Variants in PGR observed in about 807,000 individuals in gnomAD.
PGR encodes the protein progesterone receptor, also known as nuclear receptor subfamily 3 group C member 3.
Under a neutral mutation model 76.1 loss-of-function variants are expected in PGR, and 25 were observed. That is an observed-to-expected ratio of 0.33 (90% CI 0.24 to 0.46). The LOEUF (loss-of-function observed/expected upper bound fraction) is 0.46, where lower values mean the gene tolerates loss of function less well. Ranked by LOEUF, PGR falls within the 20% of genes least tolerant of loss-of-function variation. The probability of loss-of-function intolerance (pLI) is 1.00; values close to 1 mark genes in which losing one functional copy is unlikely to be tolerated. For missense variants in PGR, 1,172 were observed against 1,225.3 expected (o/e 0.96, Z 0.65); for synonymous variants, 579 against 535.0 (o/e 1.08, Z -1.14).
Position 101,128,111 on chromosome 11 carries a change from A to G in PGR, c.960T>C (p.Thr320=). 5 of 1,598,454 alleles carry G rather than the reference A, an allele frequency of 3.1e-6. No homozygotes were observed. The highest frequency in any genetic ancestry group is 3.4e-6 in the Non-Finnish European group (4 of 1,179,574). ...PLNHALLAAR[T]RQLLEDESYD... ...AACTTTCGTCTTCCAGCAGCTGCCG[A>G]GTGCGGGCTGCCAATAAGGCGTGAT... The change falls in exon 1 of 8, where the codon ACT becomes ACC. Residue 320 remains threonine, a synonymous_variant. Coordinates refer to ENST00000325455, the MANE Select transcript of PGR (RefSeq NM_000926.4).
At chr11:101,115,924 A>G (rs1862492204) in intron 2 of PGR, among the ~76,000 whole-genome samples, 1 of 152,202 alleles carries the variant, frequency 6.6e-6, no homozygotes, top group Non-Finnish European at 1.5e-5. Flanking sequence ...TATTGGGCCA[A>G]TTGTGTTTCA....
chr11:101,058,963 C>T (rs1860387915), intron 4 of PGR, among the ~76,000 whole-genome samples: 1 of 152,100 alleles, frequency 6.6e-6, no homozygotes, highest in Admixed American at 6.6e-5. Flanking sequence ...TTTCTCAATC[C>T]ATAGCTACTA....
intron 3 of PGR, among the ~76,000 whole-genome samples, chr11:101,089,310 A>C (rs1861599165): frequency 6.6e-6 from 1 of 152,228 alleles, no homozygotes; most frequent in African/African-American, 2.4e-5. Context: ...TATATATTTA[A>C]ATAGTTAAGA....
At chr11:101,092,726 T>C (rs1861712376) in intron 2 of PGR, among the ~76,000 whole-genome samples, 1 of 152,172 alleles carries the variant, frequency 6.6e-6, no homozygotes, top group Non-Finnish European at 1.5e-5. Context: ...AATAAAAAAA[T>C]TCAGCTTAAA....
rs748798054 is a variant in PGR at position 101,126,154 on chromosome 11, C to T, written c.1642G>A (p.Asp548Asn). 2.4e-5 allele frequency: 38 copies of T among 1,613,922 alleles called. No homozygotes were observed. The highest frequency in any genetic ancestry group is 5.1e-6 in the Non-Finnish European group (6 of 1,179,974). The change falls in exon 2 of 8, where the codon GAT becomes AAT. Residue 548 changes from aspartate (D) to asparagine (N), a missense_variant. Asp to Asn is a conservative substitution (Grantham distance 23, BLOSUM62 1). Around this residue, in one of 4 missense-constraint regions of PGR, gnomAD observed 893 missense variants for 785.9 expected, o/e 1.14. Transcript: ENST00000325455. ...TGTGGGCTCTGGCTGGCTTCTGAAT[C>T]CGGCCTTGAAATGCAAAACAAAGTA... ...YPPYLNYLRP[D>N]SEASQSPQYS... is the part of the protein sequence containing the mutation.
chr11:101,113,012 AT>A (rs906290007), intron 2 of PGR, among the ~76,000 whole-genome samples: 3 of 152,148 alleles, frequency 2.0e-5, no homozygotes, highest in African/African-American at 7.2e-5. Flanking sequence ...ACCTAACTGA[AT>A]TTTTTTGGAA....
chr11:101,047,880 C>T (rs2135389038), intron 6 of PGR, among the ~76,000 whole-genome samples: 2 of 152,074 alleles, frequency 1.3e-5, no homozygotes, highest in South Asian at 2.1e-4. Context: ...AAAAGTGGAA[C>T]GGATATTTGC....
chr11:101,064,070 C>T (rs1382058696), intron 3 of PGR: 2 of 152,014 alleles, frequency 1.3e-5, no homozygotes, highest in Admixed American at 1.3e-4. Flanking sequence ...TGAGCTCATG[C>T]CTGTAGTTCT....
intron 3 of PGR, among the ~76,000 whole-genome samples, chr11:101,085,375 A>C (rs1283784274): frequency 2.6e-5 from 4 of 151,956 alleles, no homozygotes; most frequent in Admixed American, 1.3e-4. Flanking sequence ...AATAAAAAAA[A>C]ATTAAAATAA....
rs969903640 is a variant in PGR, at chr11:101,030,523, G to A, written c.*8593C>T. 3 of 230,290 alleles carry A rather than the reference G, an allele frequency of 1.3e-5. No individual in the cohort carries two copies. The highest frequency in any genetic ancestry group is 2.6e-5 in the Non-Finnish European group (3 of 116,336). 14.3% of individuals were successfully genotyped at this position (230,290 alleles called of 1,614,324 possible). The stretch of plus-strand genomic sequence containing the variant: ...TATGAATACCCAAACCACTTTGAAA[G>A]TATGTGCTCAACTGAAATAATTAAT... On this transcript the variant is annotated 3_prime_UTR_variant, in exon 8 of 8. Coordinates refer to ENST00000325455, the MANE Select transcript of PGR (RefSeq NM_000926.4).
rs1859376974 is a variant in PGR, at chr11:101,032,270, T to C, written c.*6846A>G. ...AATTCTTCATGTTTATGATCATCAT[T>C]TTCACCAAAATAGTGCAACTTCCTC... On this transcript the variant is annotated 3_prime_UTR_variant, in exon 8 of 8. Transcript: ENST00000325455. 1 of 232,882 alleles carries C rather than the reference T, an allele frequency of 4.3e-6. No homozygotes were observed. Among genetic ancestry groups the C allele is most frequent in the Non-Finnish European group, 8.5e-6 (1 of 117,942 alleles). The allele number at this position is 232,882 out of a possible 1,614,324, so 14.4% of individuals were successfully genotyped here. A position where few individuals can be genotyped will look rare whatever the true frequency, so the allele number is the denominator to read the frequency against.
Position 101,128,869 on chromosome 11 carries a change from C to T in PGR, c.202G>A (p.Asp68Asn). Reference protein sequence around the residue: ...LLFPRPCQGQDPSDEKTQDQQ... With the variant: ...LLFPRPCQGQNPSDEKTQDQQ... ...TCCTGCGTCTTTTCGTCGGAGGGGT[C>T]CTGTCCCTGGCAGGGCCGAGGGAAG... is the stretch of plus-strand genomic sequence containing the variant. Residue 68 changes from aspartate (D) to asparagine (N), a missense_variant, in exon 1 of 8, where the codon GAC becomes AAC. Asp to Asn is a conservative substitution (Grantham distance 23). This residue lies in a region of PGR where 893 missense variants were observed against 785.9 expected (regional missense o/e 1.14). Transcript: ENST00000325455. The T allele has an allele frequency of 6.2e-7, 1 of 1,614,142 alleles. No individual in the cohort carries two copies. The highest frequency in any genetic ancestry group is 8.5e-7 in the Non-Finnish European group (1 of 1,180,040).
rs1859572115 is a variant in PGR, at chr11:101,038,136, G to A, written c.*980C>T. ...CATAATATGAATTCATGATAGTGGAGGATAAAGAGGAGAAAGGTATGTGAA... is the reference window on the plus strand; with the variant it reads ...CATAATATGAATTCATGATAGTGGAAGATAAAGAGGAGAAAGGTATGTGAA... On this transcript the variant is annotated 3_prime_UTR_variant, in exon 8 of 8. Transcript: ENST00000325455. The A allele has an allele frequency of 5.2e-6, 1 of 193,170 alleles. No individual in the cohort carries two copies. Among genetic ancestry groups the A allele is most frequent in the East Asian group, 8.2e-5 (1 of 12,220 alleles). The allele number at this position is 193,170 out of a possible 1,614,324, so 12.0% of individuals were successfully genotyped here.
At chr11:101,115,147 C>T (rs1862462231) in intron 2 of PGR, among the ~76,000 whole-genome samples, 2 of 152,066 alleles carry the variant, frequency 1.3e-5, no homozygotes, top group South Asian at 4.1e-4. Context: ...GACCATGTTC[C>T]ATGCTTTAGC....
chr11:101,067,617 G>C (rs575560375), intron 3 of PGR, among the ~76,000 whole-genome samples: 1 of 152,094 alleles, frequency 6.6e-6, no homozygotes, highest in South Asian at 2.1e-4. Flanking sequence ...GTTACCTACA[G>C]AAACTCTCAC....
intron 3 of PGR, among the ~76,000 whole-genome samples, chr11:101,076,516 A>G (rs1861133210): frequency 6.6e-6 from 1 of 152,124 alleles, no homozygotes; most frequent in Non-Finnish European, 1.5e-5. Flanking sequence ...AACATTAAAA[A>G]GTATGGCTTA....
In PGR at chr11:101,050,561, C is replaced by T. The variant is rs145017142; in HGVS notation, c.2358-502G>A. Among the ~76,000 whole-genome samples, 394 of 152,158 alleles carry T rather than the reference C, an allele frequency of 2.6e-3. 1 individual carries two copies. Among genetic ancestry groups the T allele is most frequent in the African/African-American group, 6.6e-3 (274 of 41,538 alleles). On this transcript the variant is annotated intron_variant, in intron 5 of 7. Coordinates refer to ENST00000325455, the MANE Select transcript of PGR (RefSeq NM_000926.4). Reference sequence around the variant, plus strand: ...TGATACAGAAAAGAGTAAAAGAGGACATTGGCAAGCATTAATTAATTGACA... The same window carrying T: ...TGATACAGAAAAGAGTAAAAGAGGATATTGGCAAGCATTAATTAATTGACA...
At chr11:101,054,810 C>A (rs1469028947) in intron 4 of PGR, among the ~76,000 whole-genome samples, 3 of 152,104 alleles carry the variant, frequency 2.0e-5, no homozygotes, top group African/African-American at 7.2e-5. Context: ...TAATTATGCA[C>A]ACTGTAGAAC....
intron 3 of PGR, among the ~76,000 whole-genome samples, chr11:101,077,505 T>TA (rs1861166885): frequency 6.6e-6 from 1 of 152,172 alleles, no homozygotes; most frequent in Admixed American, 6.6e-5. Flanking sequence ...GTATATGTCT[T>TA]AATCATTCAA....
Sources: gnomAD v4.1 joint callset for allele counts (sites outside exome capture counted in the v4.1 genomes callset) on GRCh38, gnomAD v4.1.1 for gene constraint, gnomAD v4.1.1 regional missense constraint, MANE v1.5 for transcripts, NCBI Gene and HGNC (gene_info 2026-07-23, HGNC 2026-07-21) for gene names.